Variants in PPP1R14C observed in about 807,000 individuals in gnomAD.
PPP1R14C encodes protein phosphatase 1 regulatory inhibitor subunit 14C.
A neutral mutation model predicts 20.4 loss-of-function variants in PPP1R14C; 16 were observed. That is an observed-to-expected ratio of 0.78 (90% CI 0.53 to 1.19). PPP1R14C has a LOEUF of 1.19. Among genes scored for constraint, PPP1R14C ranks in the 50% most tolerant of loss-of-function variants. PPP1R14C has a pLI of 0.00. For synonymous variants in PPP1R14C, 91 were observed against 91.0 expected, an observed-to-expected ratio of 1.00 and a Z score of 0.00; for missense variants, 211 against 220.1, an observed-to-expected ratio of 0.96 and a Z score of 0.26.
chr6:150,205,850 T>C (rs1777943311), intron 1 of PPP1R14C, among the ~76,000 whole-genome samples: 1 of 151,986 alleles, frequency 6.6e-6, no homozygotes, highest in Non-Finnish European at 1.5e-5. Flanking sequence ...ATCATGCTAC[T>C]CCCTAGTTAA....
At chr6:150,211,797 G>A (rs373705415) in intron 1 of PPP1R14C, among the ~76,000 whole-genome samples, 73 of 152,258 alleles carry the variant, frequency 4.8e-4, no homozygotes, top group African/African-American at 1.1e-3. Flanking sequence ...CAGAACACCC[G>A]GGACGCATGC....
At chr6:150,237,088 C>T (rs998581738) in intron 3 of PPP1R14C, among the ~76,000 whole-genome samples, 1 of 151,100 alleles carries the variant, frequency 6.6e-6, no homozygotes, top group African/African-American at 2.4e-5. Flanking sequence ...CTTGGTGTCA[C>T]ACAACATACT....
intron 3 of PPP1R14C, among the ~76,000 whole-genome samples, chr6:150,232,954 CTG>C (rs1463353655): frequency 1.3e-5 from 2 of 152,316 alleles, no homozygotes; most frequent in African/African-American, 4.8e-5. Flanking sequence ...AAAATGGACA[CTG>C]TAACTTCCTG....
At chr6:150,203,644 G>A (rs564182972) in intron 1 of PPP1R14C, among the ~76,000 whole-genome samples, 3 of 152,262 alleles carry the variant, frequency 2.0e-5, no homozygotes, top group East Asian at 1.9e-4. Flanking sequence ...CAGCAACCCC[G>A]AATGCCTCAG....
intron 1 of PPP1R14C, among the ~76,000 whole-genome samples, chr6:150,199,991 G>A (rs574403936): frequency 6.6e-6 from 1 of 152,246 alleles, no homozygotes; most frequent in South Asian, 2.1e-4. Flanking sequence ...AATAAACAAC[G>A]AGGAAGGTAA....
chr6:150,230,500 G>C (rs1374481280), intron 3 of PPP1R14C, among the ~76,000 whole-genome samples: 1 of 152,186 alleles, frequency 6.6e-6, no homozygotes, highest in African/African-American at 2.4e-5. Context: ...CTCATCTGCT[G>C]TTTCTCTCCC....
At chr6:150,147,380 A>C (rs768640729) in intron 1 of PPP1R14C, among the ~76,000 whole-genome samples, 1 of 151,980 alleles carries the variant, frequency 6.6e-6, no homozygotes, top group Admixed American at 6.6e-5. Context: ...GGGTTTCACT[A>C]TGTTGGCCAG....
intron 1 of PPP1R14C, among the ~76,000 whole-genome samples, chr6:150,150,372 C>A (rs1432550611): frequency 6.6e-6 from 1 of 152,050 alleles, no homozygotes; most frequent in African/African-American, 2.4e-5. Context: ...TGAGTCCCAC[C>A]CACTGTCTTT....
At chr6:150,243,766 A>G (rs532247000) in intron 3 of PPP1R14C, among the ~76,000 whole-genome samples, 16 of 152,334 alleles carry the variant, frequency 1.1e-4, no homozygotes, top group Middle Eastern at 3.4e-3. Flanking sequence ...AACTGGAAAC[A>G]ACCCACATTT....
At chr6:150,161,049 G>A (rs1777361335) in intron 1 of PPP1R14C, among the ~76,000 whole-genome samples, 2 of 152,210 alleles carry the variant, frequency 1.3e-5, no homozygotes, top group East Asian at 1.9e-4. Context: ...GGATGCCAAG[G>A]AGGGCAGATC....
intron 1 of PPP1R14C, among the ~76,000 whole-genome samples, chr6:150,153,737 C>G (rs896344001): frequency 3.9e-5 from 6 of 152,164 alleles, no homozygotes; most frequent in African/African-American, 1.4e-4. Flanking sequence ...AAAAGAAGAC[C>G]AGAACGTGGG....
At position 150,201,465 on chromosome 6, in the gene PPP1R14C, T is replaced by A. The variant is rs1005898761; in HGVS notation, c.307-13279T>A. 3.9e-5 allele frequency among the ~76,000 whole-genome samples: 6 copies of A among 152,020 alleles called. No homozygotes were observed. The highest frequency in any genetic ancestry group is 1.4e-4 in the African/African-American group (6 of 41,388). On this transcript the variant is annotated intron_variant, in intron 1 of 3. Coordinates refer to ENST00000361131, the MANE Select transcript of PPP1R14C (RefSeq NM_030949.3). This position sits in a 1 kb window ranked among gnomAD's most constrained non-coding sequence, Gnocchi z 4.2. The stretch of plus-strand genomic sequence containing the variant: ...TGCAAAGGCCCTGTGGAGGCCTGGC[T>A]GGGGAGTGTCCTGAGGGATCGGAGG...
intron 1 of PPP1R14C, among the ~76,000 whole-genome samples, chr6:150,174,834 C>T (rs549327985): frequency 1.1e-4 from 16 of 151,720 alleles, no homozygotes; most frequent in Non-Finnish European, 1.9e-4. Context: ...GTCATGGTGT[C>T]GCACGCCTGT....
At chr6:150,204,839 C>T (rs540808126) in intron 1 of PPP1R14C, among the ~76,000 whole-genome samples, 3 of 152,242 alleles carry the variant, frequency 2.0e-5, no homozygotes, top group African/African-American at 4.8e-5. Flanking sequence ...CAGCCTGGGG[C>T]ATACACGGGA....
At chr6:150,224,813 A>G (rs1456405399) in intron 3 of PPP1R14C, among the ~76,000 whole-genome samples, 2 of 152,122 alleles carry the variant, frequency 1.3e-5, no homozygotes, top group Non-Finnish European at 2.9e-5. Flanking sequence ...TGTGTGTTAT[A>G]ATTTTTTTTT....
intron 2 of PPP1R14C, 66 bp downstream of exon 2, chr6:150,214,893 G>C: frequency 8.6e-7 from 1 of 1,157,952 alleles, no homozygotes. Context: ...TGGGTCTTCA[G>C]TGCTTGGCAT....
chr6:150,160,426 A>G (rs917867558), intron 1 of PPP1R14C, among the ~76,000 whole-genome samples: 11 of 111,184 alleles, frequency 9.9e-5, no homozygotes, highest in Non-Finnish European at 1.8e-4. Context: ...CACCACACCC[A>G]GCTAATTTTT....
At chr6:150,191,919 T>C (rs930325392) in intron 1 of PPP1R14C, among the ~76,000 whole-genome samples, 5 of 152,076 alleles carry the variant, frequency 3.3e-5, no homozygotes, top group African/African-American at 1.2e-4. Context: ...GGATTTGAGG[T>C]GTAGATAGGG....
chr6:150,154,274 G>A (rs1405887728), intron 1 of PPP1R14C, among the ~76,000 whole-genome samples: 1 of 152,234 alleles, frequency 6.6e-6, no homozygotes, highest in Non-Finnish European at 1.5e-5. Flanking sequence ...GAATGAATAA[G>A]CCAGGGCAGG....
Sources: gnomAD v4.1 joint callset for allele counts (sites outside exome capture counted in the v4.1 genomes callset) on GRCh38, gnomAD v4.1.1 for gene constraint, Gnocchi (gnomAD v3.1) non-coding constraint, MANE v1.5 for transcripts, NCBI Gene and HGNC (gene_info 2026-07-23, HGNC 2026-07-21) for gene names.